Variants in GLRA1 observed in about 807,000 individuals in gnomAD.
The protein encoded by GLRA1 is glycine receptor alpha 1.
A neutral mutation model predicts 48.3 loss-of-function variants in GLRA1; 37 were observed. That is an observed-to-expected ratio of 0.77 (90% CI 0.59 to 1.01). The LOEUF (loss-of-function observed/expected upper bound fraction) is 1.01, where lower values mean the gene tolerates loss of function less well. Among genes scored for constraint, GLRA1 ranks in the 50% least tolerant of loss-of-function variants. The pLI, the probability that GLRA1 is intolerant of heterozygous loss-of-function variation, is 0.00. For missense variants in GLRA1, 427 were observed against 571.0 expected, an observed-to-expected ratio of 0.75 and a Z score of 2.57; for synonymous variants, 196 against 210.7, an observed-to-expected ratio of 0.93 and a Z score of 0.60.
At chr5:151,860,056 ATCAAC>A in intron 3 of GLRA1, 48 bp from the exon 4 acceptor site, 3 of 1,461,880 alleles carry the variant, frequency 2.1e-6, no homozygotes, top group Non-Finnish European at 1.9e-6. Context: ...GCCCAAGGAC[ATCAAC>A]TTTTGGAGGA....
intron 4 of GLRA1, 115 bp downstream of exon 4, chr5:151,859,670 G>C: frequency 1.3e-6 from 1 of 752,066 alleles, no homozygotes; most frequent in Non-Finnish European, 2.4e-6. Context: ...CAAAGGTGTT[G>C]GGTTGCCAGG....
At chr5:151,911,942 A>T (rs1450852707) in intron 1 of GLRA1, among the ~76,000 whole-genome samples, 1 of 152,124 alleles carries the variant, frequency 6.6e-6, no homozygotes, top group Non-Finnish European at 1.5e-5. Flanking sequence ...GGCCTTCAAT[A>T]TGCCAACTTA....
intron 7 of GLRA1, among the ~76,000 whole-genome samples, chr5:151,847,263 T>A (rs1561553345): frequency 6.6e-6 from 1 of 152,182 alleles, no homozygotes; most frequent in Non-Finnish European, 1.5e-5. Context: ...GAGCAGAATG[T>A]GACTCAAACA....
chr5:151,852,481 GCAGCTTGT>G (rs1280646985), intron 6 of GLRA1, among the ~76,000 whole-genome samples: 1 of 152,180 alleles, frequency 6.6e-6, no homozygotes, highest in Non-Finnish European at 1.5e-5. Flanking sequence ...ACTAGACTAG[GCAGCTTGT>G]CTGCTCCCTG....
At chr5:151,841,030 C>T (rs1763700902) in intron 7 of GLRA1, among the ~76,000 whole-genome samples, 2 of 152,082 alleles carry the variant, frequency 1.3e-5, no homozygotes, top group South Asian at 2.1e-4. Flanking sequence ...ACCAACTAGA[C>T]CTAAAGAACA....
chr5:151,836,801 T>C (rs1314905213), intron 7 of GLRA1, among the ~76,000 whole-genome samples: 5 of 152,156 alleles, frequency 3.3e-5, no homozygotes, highest in Admixed American at 3.3e-4. Context: ...TTAAGATGGA[T>C]TGAGGACTTA....
At chr5:151,904,220 C>G (rs1308708433) in intron 1 of GLRA1, among the ~76,000 whole-genome samples, 2 of 152,150 alleles carry the variant, frequency 1.3e-5, no homozygotes, top group Non-Finnish European at 2.9e-5. Flanking sequence ...AGGTTTTCTT[C>G]TCTTCTTGGG....
chr5:151,904,226 T>C (rs1431747051), intron 1 of GLRA1, among the ~76,000 whole-genome samples: 1 of 152,182 alleles, frequency 6.6e-6, no homozygotes, highest in Non-Finnish European at 1.5e-5. Context: ...TCTTCTCTTC[T>C]TGGGATTTCT....
intron 7 of GLRA1, among the ~76,000 whole-genome samples, chr5:151,837,264 A>T (rs560310099): frequency 6.6e-6 from 1 of 152,266 alleles, no homozygotes; most frequent in Non-Finnish European, 1.5e-5. Flanking sequence ...ACAATGAGAT[A>T]CCATGTCATG....
chr5:151,863,692 A>G (rs781148755), intron 3 of GLRA1, among the ~76,000 whole-genome samples: 3 of 152,164 alleles, frequency 2.0e-5, no homozygotes, highest in Non-Finnish European at 2.9e-5. Context: ...GGTGCTGGAT[A>G]AATGAGGTCA....
At chr5:151,911,760 C>A (rs1036316338) in intron 1 of GLRA1, among the ~76,000 whole-genome samples, 3 of 151,930 alleles carry the variant, frequency 2.0e-5, no homozygotes, top group African/African-American at 7.3e-5. Flanking sequence ...TGCCCGCCAC[C>A]GCACCTGGCT....
In GLRA1 at chr5:151,822,873, C is replaced by T; in HGVS notation, c.1150G>A (p.Gly384Ser). The change falls in exon 9 of 9, where the codon GGC becomes AGC. Residue 384 changes from glycine to serine, a missense_variant. Gly to Ser is a moderately conservative substitution (Grantham distance 56). Transcript: ENST00000274576. ...LQAKDGISVK[G>S]ANNSNTTNPP... ...TTGGTGGTGTTACTGTTGTTGGCGC[C>T]CTTGACTGAGATGCCATCCTTGGCC... is the stretch of plus-strand genomic sequence containing the variant. 1 of 1,614,010 alleles carries T rather than the reference C, an allele frequency of 6.2e-7. No individual in the cohort carries two copies. Among genetic ancestry groups the T allele is most frequent in the South Asian group, 1.1e-5 (1 of 91,068 alleles).
chr5:151,836,823 T>G (rs1763588717), intron 7 of GLRA1, among the ~76,000 whole-genome samples: 1 of 152,108 alleles, frequency 6.6e-6, no homozygotes, highest in Admixed American at 6.6e-5. Flanking sequence ...ATGTAAGACC[T>G]AAAACCATAA....
At chr5:151,893,212 G>A (rs920956922) in intron 1 of GLRA1, among the ~76,000 whole-genome samples, 1 of 151,842 alleles carries the variant, frequency 6.6e-6, no homozygotes, top group African/African-American at 2.4e-5. Flanking sequence ...TCAACAAAGT[G>A]GCTTTAAGGC....
In GLRA1 at chr5:151,870,897, A is replaced by G. The variant is rs571560617; in HGVS notation, c.253-10889T>C. Among the ~76,000 whole-genome samples the G allele has an allele frequency of 2.0e-5, 3 of 149,968 alleles. No homozygotes were observed. In the South Asian group the frequency reaches 6.2e-4, roughly 31 times the overall value. ...GTGGACATGGCATTCTTATTATTAC[A>G]ATAGAAAGTCTTACTGTAAATTGGA... On this transcript the variant is annotated intron_variant, in intron 3 of 8. Transcript: ENST00000274576.
intron 2 of GLRA1, among the ~76,000 whole-genome samples, chr5:151,891,001 G>A (rs374064861): frequency 6.6e-6 from 1 of 152,232 alleles, no homozygotes; most frequent in Non-Finnish European, 1.5e-5. Flanking sequence ...AGCACTCTGA[G>A]AAGGGGACTT....
At position 151,893,733 on chromosome 5, in the gene GLRA1, C is replaced by T. The variant is rs1754158656; in HGVS notation, c.57-1295G>A. On this transcript the variant is annotated intron_variant, in intron 1 of 8. Transcript: ENST00000274576. ...CATAGTATTCCATGGTGTATATGTG[C>T]CACATTTTCTTTATCCAGTCTATCA... 2.0e-5 allele frequency among the ~76,000 whole-genome samples: 3 copies of T among 152,084 alleles called. No homozygotes were observed. In the South Asian group the frequency reaches 6.2e-4, roughly 32 times the overall value.
At chr5:151,843,112 A>G (rs6579908) in intron 7 of GLRA1, among the ~76,000 whole-genome samples, 67,841 of 151,992 alleles carry the variant, frequency 0.45, 15,585 homozygotes, top group African/African-American at 0.56. Flanking sequence ...TAAATAAATG[A>G]GAAGAAATCC....
chr5:151,868,735 C>T (rs2113374490), intron 3 of GLRA1, among the ~76,000 whole-genome samples: 1 of 152,272 alleles, frequency 6.6e-6, no homozygotes, highest in Admixed American at 6.5e-5. Context: ...AAAGCTTCTG[C>T]CCTAGATTTA....
Sources: gnomAD v4.1 joint callset for allele counts (sites outside exome capture counted in the v4.1 genomes callset) on GRCh38, gnomAD v4.1.1 for gene constraint, MANE v1.5 for transcripts, NCBI Gene and HGNC (gene_info 2026-07-23, HGNC 2026-07-21) for gene names.